The following LRRFIP1 variants were observed in gnomAD, a reference collection of about 807,000 sequenced individuals.
LRRFIP1 encodes the protein LRR binding FLII interacting protein 1, also known as leucine-rich repeat flightless-interacting protein 1.
LRRFIP1 carries 62 observed loss-of-function variants against 104.4 expected under a neutral mutation model. The observed-to-expected ratio is 0.59, with a 90% CI of 0.48 to 0.73. LRRFIP1 has a LOEUF of 0.73. Ranked by LOEUF, LRRFIP1 falls within the 30% of genes least tolerant of loss-of-function variation. The pLI, the probability that LRRFIP1 is intolerant of heterozygous loss-of-function variation, is 0.00. For synonymous variants in LRRFIP1, 300 were observed against 299.0 expected, an observed-to-expected ratio of 1.00 and a Z score of -0.03; for missense variants, 796 against 824.5, an observed-to-expected ratio of 0.97 and a Z score of 0.42.
At chr2:237,724,489 A>G (rs2094663639) in intron 7 of LRRFIP1, among the ~76,000 whole-genome samples, 1 of 152,214 alleles carries the variant, frequency 6.6e-6, no homozygotes, top group African/African-American at 2.4e-5. Flanking sequence ...AACAGATACA[A>G]GAGCAGAGGC....
intron 1 of LRRFIP1, among the ~76,000 whole-genome samples, chr2:237,689,730 C>A (rs1273864112): frequency 6.6e-6 from 1 of 152,108 alleles, no homozygotes; most frequent in Non-Finnish European, 1.5e-5. Context: ...GAGGAGGAGG[C>A]CTGGGCACCT....
At chr2:237,688,441 C>CTTTTTTTTTTTTTTTTTTT (rs5839674) in intron 1 of LRRFIP1, among the ~76,000 whole-genome samples, 1 of 132,510 alleles carries the variant, frequency 7.5e-6, no homozygotes. Flanking sequence ...GATGGACCCC[C>CTTTTTTTTTTTTTTTTTTT]TTTTTTTTTT....
chr2:237,732,889 GT>G (rs1276923396), intron 8 of LRRFIP1, among the ~76,000 whole-genome samples: 3 of 152,194 alleles, frequency 2.0e-5, no homozygotes, highest in African/African-American at 7.2e-5. Flanking sequence ...GCTGTTTCCT[GT>G]TTTTACAAGG....
chr2:237,718,421 C>T (rs890593445), intron 4 of LRRFIP1, among the ~76,000 whole-genome samples: 6 of 152,190 alleles, frequency 3.9e-5, no homozygotes, highest in Non-Finnish European at 8.8e-5. Context: ...CCTCTGCCTT[C>T]CTGTGGATGG....
At chr2:237,736,651 G>A (rs1323084367) in intron 10 of LRRFIP1, among the ~76,000 whole-genome samples, 1 of 152,162 alleles carries the variant, frequency 6.6e-6, no homozygotes, top group Non-Finnish European at 1.5e-5. Context: ...GCTCTTCTGC[G>A]AGCAGTGATT....
rs1349350870 is a variant in LRRFIP1, at chr2:237,717,231, C to T, written c.202-531C>T. On this transcript the variant is annotated intron_variant, in intron 3 of 23. Coordinates refer to ENST00000308482, the MANE Select transcript of LRRFIP1 (RefSeq NM_001137550.2). The surrounding 1 kb of genome is among the most constrained non-coding windows in gnomAD (Gnocchi z 4.2). ...CATCTCTCCATCCCTGCTACAAAGACAGCAAAGTCTATGAATTCTCACAGG... is the reference window on the plus strand; with the variant it reads ...CATCTCTCCATCCCTGCTACAAAGATAGCAAAGTCTATGAATTCTCACAGG... Among the ~76,000 whole-genome samples, 4 of 152,204 alleles carry T rather than the reference C, an allele frequency of 2.6e-5. No homozygotes were observed. The highest frequency in any genetic ancestry group is 5.9e-5 in the Non-Finnish European group (4 of 68,044).
chr2:237,719,577 G>T lies in LRRFIP1; in HGVS notation c.294+10G>T, dbSNP rs373273314. ...CAGAAGAAACACATCGGTTAGTACC[G>T]TGTTCATTCATTACTTGGGCAATTT... is the stretch of plus-strand genomic sequence containing the variant. On this transcript the variant is annotated intron_variant, in intron 5 of 23. Coordinates refer to ENST00000308482, the MANE Select transcript of LRRFIP1 (RefSeq NM_001137550.2). 3 of 1,606,562 alleles carry T rather than the reference G, an allele frequency of 1.9e-6. No homozygotes were observed. The highest frequency in any genetic ancestry group is 1.7e-6 in the Non-Finnish European group (2 of 1,174,554).
At chr2:237,654,407 T>G (rs1423796907) in intron 1 of LRRFIP1, among the ~76,000 whole-genome samples, 1 of 152,210 alleles carries the variant, frequency 6.6e-6, no homozygotes, top group Non-Finnish European at 1.5e-5. Flanking sequence ...TCGTACACTG[T>G]TGGTGGGAAT....
chr2:237,642,286 C>A (rs916921012), intron 1 of LRRFIP1, among the ~76,000 whole-genome samples: 2 of 152,244 alleles, frequency 1.3e-5, no homozygotes, highest in Non-Finnish European at 2.9e-5. Context: ...GAGGCCGAGG[C>A]CTGGCTTCTG....
chr2:237,771,282 C>A (rs1178642165), intron 20 of LRRFIP1, among the ~76,000 whole-genome samples: 2 of 143,816 alleles, frequency 1.4e-5, no homozygotes, highest in Non-Finnish European at 1.5e-5. Context: ...TGGATTCAAC[C>A]AACATGGATT....
rs897998935 is a variant in LRRFIP1 at position 237,707,551 on chromosome 2, G to A, written c.97-993G>A. On this transcript the variant is annotated intron_variant, in intron 1 of 23. Coordinates refer to ENST00000308482, the MANE Select transcript of LRRFIP1 (RefSeq NM_001137550.2). ...AACCATTGTTGGAAGGATTACAGAC[G>A]TATTCTCAAAAAACACTTCAGTAGA... Among the ~76,000 whole-genome samples, 80 of 152,038 alleles carry A rather than the reference G, an allele frequency of 5.3e-4. 1 individual carries two copies. The highest frequency in any genetic ancestry group is 5.2e-3 in the Admixed American group (80 of 15,262).
chr2:237,741,830 AAAAAAAG>A (rs768791687), intron 11 of LRRFIP1, among the ~76,000 whole-genome samples: 2 of 152,164 alleles, frequency 1.3e-5, no homozygotes, highest in African/African-American at 4.8e-5. Flanking sequence ...TCCGTCTAAA[AAAAAAAG>A]AAAAAAGAAA....
rs554988758 is a variant in LRRFIP1 at position 237,654,815 on chromosome 2, G to T, written c.96+27075G>T. 7.2e-5 allele frequency among the ~76,000 whole-genome samples: 11 copies of T among 152,272 alleles called. No homozygotes were observed. The South Asian group carries it at 2.1e-3, about 29-fold the overall frequency. On this transcript the variant is annotated intron_variant, in intron 1 of 23. Transcript: ENST00000308482. The stretch of plus-strand genomic sequence containing the variant: ...ATCCCCTGCCTTGGCCTCCCAAAGT[G>T]CTGGGATTACAGGCGTGAGCCACCA...
intron 1 of LRRFIP1, among the ~76,000 whole-genome samples, chr2:237,655,827 T>A (rs1293164371): frequency 6.6e-6 from 1 of 152,242 alleles, no homozygotes; most frequent in Non-Finnish European, 1.5e-5. Context: ...TCAATGGAGA[T>A]AATTAAAGAC....
At chr2:237,759,462 G>C (rs1216484621) in intron 18 of LRRFIP1, among the ~76,000 whole-genome samples, 1 of 152,192 alleles carries the variant, frequency 6.6e-6, no homozygotes, top group Non-Finnish European at 1.5e-5. Context: ...GCTCCTTGAA[G>C]AGGCGATCAG....
chr2:237,770,620 C>A (rs1052114036), intron 20 of LRRFIP1: 1 of 152,326 alleles, frequency 6.6e-6, no homozygotes, highest in Non-Finnish European at 1.5e-5. Context: ...TGGTGAAACC[C>A]CGTCTCTACT....
intron 19 of LRRFIP1, chr2:237,764,514 A>G: frequency 1.8e-6 from 2 of 1,093,492 alleles, no homozygotes; most frequent in Non-Finnish European, 2.2e-6. Context: ...TGAAATGACC[A>G]AATAGCATTC....
chr2:237,762,131 T>G (rs74745954), intron 19 of LRRFIP1, among the ~76,000 whole-genome samples: 3,318 of 152,328 alleles, frequency 0.022, 95 homozygotes, highest in East Asian at 0.082. Context: ...GCACTGAATA[T>G]TCTTTTTAAA....
chr2:237,699,470 A>G (rs1213562747), intron 1 of LRRFIP1, among the ~76,000 whole-genome samples: 1 of 150,616 alleles, frequency 6.6e-6, no homozygotes, highest in Non-Finnish European at 1.5e-5. Flanking sequence ...CTCCTGCCTC[A>G]GCCTCCTGAG....
Sources: gnomAD v4.1 joint callset for allele counts (sites outside exome capture counted in the v4.1 genomes callset) on GRCh38, gnomAD v4.1.1 for gene constraint, Gnocchi (gnomAD v3.1) non-coding constraint, MANE v1.5 for transcripts, NCBI Gene and HGNC (gene_info 2026-07-23, HGNC 2026-07-21) for gene names.